LAMA2: variants seen among roughly 807,000 people sequenced by gnomAD.
LAMA2 encodes laminin subunit alpha 2, also known as laminin subunit alpha-2.
In LAMA2, 269 loss-of-function variants were observed where a neutral mutation model predicts 364.8. That is an observed-to-expected ratio of 0.74 (90% CI 0.67 to 0.82). The LOEUF is 0.82. LAMA2 is among the 40% of genes least tolerant of loss of function. LAMA2 has a pLI of 0.00. For synonymous variants in LAMA2, 1,379 were observed against 1,370.6 expected (o/e 1.01, Z -0.14); for missense variants, 3,807 against 3,873.2 (o/e 0.98, Z 0.45).
At chr6:129,421,631 C>T (rs775507139) in intron 40 of LAMA2, among the ~76,000 whole-genome samples, 4 of 152,106 alleles carry the variant, frequency 2.6e-5, no homozygotes, top group South Asian at 2.1e-4. Flanking sequence ...TGAGTTGAAA[C>T]GGTGCTTTTC....
intron 3 of LAMA2, among the ~76,000 whole-genome samples, chr6:129,077,303 AC>A (rs1381125493): frequency 6.6e-6 from 1 of 152,192 alleles, no homozygotes; most frequent in East Asian, 1.9e-4. Context: ...AAAACGAAAT[AC>A]AAAAATTAAG....
intron 1 of LAMA2, among the ~76,000 whole-genome samples, chr6:129,039,029 A>G (rs1343703845): frequency 1.3e-5 from 2 of 152,344 alleles, no homozygotes; most frequent in African/African-American, 4.8e-5. Context: ...GCATGAACTC[A>G]TTCTTATTCA....
In LAMA2 at chr6:129,059,813, G is replaced by T; in HGVS notation, c.313G>T (p.Gly105Ter). 6.2e-7 allele frequency: 1 copy of T among 1,609,482 alleles called. No individual in the cohort carries two copies. The highest frequency in any genetic ancestry group is 8.5e-7 in the Non-Finnish European group (1 of 1,175,866). The change falls in exon 3 of 65, where the codon GGA becomes TGA. Residue 105 changes from glycine (G) to a stop codon, truncating the protein, a stop_gained. Coordinates refer to ENST00000421865, the MANE Select transcript of LAMA2 (RefSeq NM_000426.4). LOFTEE classifies it high-confidence loss of function. ...ACACCCGATTACAAATGCTATTGAT[G>T]GAAAGAACACTTGGTGGCAGAGTCC... is the stretch of plus-strand genomic sequence containing the variant. ...QRHPITNAID[G>*]KNTWWQSPSI...
At chr6:129,424,754 G>T (rs1781245016) in intron 40 of LAMA2, among the ~76,000 whole-genome samples, 1 of 152,024 alleles carries the variant, frequency 6.6e-6, no homozygotes, top group Admixed American at 6.6e-5. Flanking sequence ...ATACACTGGT[G>T]ATGGGAATAT....
chr6:129,426,913 A>G (rs1781350597), intron 40 of LAMA2, among the ~76,000 whole-genome samples: 1 of 152,212 alleles, frequency 6.6e-6, no homozygotes, highest in African/African-American at 2.4e-5. Flanking sequence ...AACAGTAAGT[A>G]TTTAGCACTC....
intron 3 of LAMA2, among the ~76,000 whole-genome samples, chr6:129,097,030 C>G (rs933858576): frequency 6.6e-6 from 1 of 152,174 alleles, no homozygotes; most frequent in South Asian, 2.1e-4. Context: ...TCAGGATTCC[C>G]TCTGTAGCTC....
At chr6:129,419,777 A>C (rs1411263873) in intron 40 of LAMA2, among the ~76,000 whole-genome samples, 1 of 152,064 alleles carries the variant, frequency 6.6e-6, no homozygotes, top group Non-Finnish European at 1.5e-5. Flanking sequence ...CATCTGACCC[A>C]TCTACCACCC....
intron 50 of LAMA2, among the ~76,000 whole-genome samples, chr6:129,464,892 A>G (rs921984310): frequency 5.3e-5 from 8 of 151,998 alleles, no homozygotes; most frequent in Non-Finnish European, 1.0e-4. Context: ...TTTTCAAATG[A>G]ACTCACATTT....
At chr6:129,269,414 G>T (rs530074674) in intron 16 of LAMA2, among the ~76,000 whole-genome samples, 1 of 147,696 alleles carries the variant, frequency 6.8e-6, no homozygotes, top group African/African-American at 2.5e-5. Context: ...GCAGTTTTCT[G>T]GTTTCCACTA....
chr6:128,892,141 C>T (rs1416871640), intron 1 of LAMA2, among the ~76,000 whole-genome samples: 1 of 151,834 alleles, frequency 6.6e-6, no homozygotes, highest in African/African-American at 2.4e-5. Context: ...ATCCTTTTTG[C>T]TTAAGAACAG....
chr6:128,952,764 G>A (rs770441890), intron 1 of LAMA2, among the ~76,000 whole-genome samples: 2 of 151,998 alleles, frequency 1.3e-5, no homozygotes, highest in Non-Finnish European at 2.9e-5. Flanking sequence ...GCTTATGTTA[G>A]CCTTCAGTTG....
chr6:129,125,685 C>T (rs567592675), intron 4 of LAMA2, among the ~76,000 whole-genome samples: 8 of 152,200 alleles, frequency 5.3e-5, no homozygotes, highest in South Asian at 2.1e-4. Flanking sequence ...AAATAAACAG[C>T]GTCAGGGCAA....
chr6:129,193,709 G>A (rs1658835212), intron 12 of LAMA2, among the ~76,000 whole-genome samples: 1 of 152,104 alleles, frequency 6.6e-6, no homozygotes, highest in Non-Finnish European at 1.5e-5. Flanking sequence ...CTAAATTAAT[G>A]TTGTTTAAGC....
chr6:128,898,926 T>C (rs747738698), intron 1 of LAMA2, among the ~76,000 whole-genome samples: 1 of 152,192 alleles, frequency 6.6e-6, no homozygotes, highest in Non-Finnish European at 1.5e-5. Context: ...ATTAGATCCC[T>C]GATGGCTGTC....
intron 32 of LAMA2, among the ~76,000 whole-genome samples, chr6:129,358,057 T>C (rs770844453): frequency 7.2e-5 from 11 of 152,170 alleles, no homozygotes; most frequent in Non-Finnish European, 1.3e-4. Flanking sequence ...AAGTATGTCA[T>C]AGTTTTCTGT....
intron 2 of LAMA2, among the ~76,000 whole-genome samples, chr6:129,058,593 CAA>C (rs1788653683): frequency 6.6e-6 from 1 of 152,112 alleles, no homozygotes; most frequent in African/African-American, 2.4e-5. Context: ...TGGCAACAGA[CAA>C]ATGCCGGATG....
intron 1 of LAMA2, among the ~76,000 whole-genome samples, chr6:129,004,244 G>A (rs1784285079): frequency 2.1e-5 from 1 of 46,612 alleles, no homozygotes; most frequent in Non-Finnish European, 3.7e-5. Flanking sequence ...CACACTCTGG[G>A]GACTGTGGTG....
intron 49 of LAMA2, 102 bp downstream of exon 49, chr6:129,460,426 G>A (rs1480332939): frequency 8.2e-7 from 1 of 1,225,076 alleles, no homozygotes; most frequent in African/African-American, 1.5e-5. Context: ...TGTGGAGCAG[G>A]TTTGAAAGGA....
chr6:129,293,714 A>G (rs1789883011), intron 20 of LAMA2, among the ~76,000 whole-genome samples: 1 of 151,978 alleles, frequency 6.6e-6, no homozygotes, highest in Non-Finnish European at 1.5e-5. Context: ...GCTGCAGAAG[A>G]GTAGGAGACA....
Sources: gnomAD v4.1 joint callset for allele counts (sites outside exome capture counted in the v4.1 genomes callset) on GRCh38, gnomAD v4.1.1 for gene constraint, MANE v1.5 for transcripts, NCBI Gene and HGNC (gene_info 2026-07-23, HGNC 2026-07-21) for gene names.